MYO9A: variants seen among roughly 807,000 people sequenced by gnomAD.
MYO9A encodes myosin IXA.
MYO9A carries 103 observed loss-of-function variants against 293.3 expected under a neutral mutation model. The observed-to-expected ratio is 0.35, with a 90% CI of 0.30 to 0.41. MYO9A has a LOEUF of 0.41. Among genes scored for constraint, MYO9A ranks in the 10% least tolerant of loss-of-function variants. The pLI, the probability that MYO9A is intolerant of heterozygous loss-of-function variation, is 1.00. For synonymous variants in MYO9A, 1,001 were observed against 1,035.7 expected, an observed-to-expected ratio of 0.97 and a Z score of 0.64; for missense variants, 2,685 against 3,033.0, an observed-to-expected ratio of 0.89 and a Z score of 2.69.
At chr15:71,971,224 A>G (rs567709441) in intron 12 of MYO9A, among the ~76,000 whole-genome samples, 15 of 152,128 alleles carry the variant, frequency 9.9e-5, no homozygotes, top group Non-Finnish European at 4.4e-5. Flanking sequence ...TATGTGAAGT[A>G]GCAACTGGTC....
chr15:71,969,609 G>A (rs569321730), intron 12 of MYO9A, among the ~76,000 whole-genome samples: 1 of 152,188 alleles, frequency 6.6e-6, no homozygotes, highest in Admixed American at 6.5e-5. Flanking sequence ...TCACTTCGTC[G>A]TCTCTAGGTC....
intron 11 of MYO9A, among the ~76,000 whole-genome samples, chr15:71,980,384 T>C (rs1041102971): frequency 1.3e-5 from 2 of 152,204 alleles, no homozygotes; most frequent in Non-Finnish European, 2.9e-5. Flanking sequence ...AATACTCGTA[T>C]TGTCTGTCTT....
chr15:71,840,569 T>C (rs1337014402), intron 39 of MYO9A, among the ~76,000 whole-genome samples: 2 of 152,238 alleles, frequency 1.3e-5, no homozygotes, highest in Non-Finnish European at 2.9e-5. Flanking sequence ...ATTACAAAAT[T>C]TAGCCTTTCT....
intron 40 of MYO9A, among the ~76,000 whole-genome samples, chr15:71,828,302 A>ATGAACTC (rs1485085113): frequency 6.6e-6 from 1 of 152,180 alleles, no homozygotes; most frequent in Non-Finnish European, 1.5e-5. Context: ...TTTCAGTAAA[A>ATGAACTC]TGAACTCTGG....
intron 18 of MYO9A, among the ~76,000 whole-genome samples, chr15:71,932,094 A>G (rs929379678): frequency 6.6e-6 from 1 of 152,212 alleles, no homozygotes; most frequent in African/African-American, 2.4e-5. Context: ...AAAACATTTG[A>G]GAGAGAAGTC....
At chr15:71,978,329 T>C (rs778409802) in intron 11 of MYO9A, 37 bp from the exon 12 acceptor site, 1 of 1,567,768 alleles carries the variant, frequency 6.4e-7, no homozygotes, top group Non-Finnish European at 8.7e-7. Flanking sequence ...AATTTATTCA[T>C]CTTGCAGAAA....
intron 19 of MYO9A, among the ~76,000 whole-genome samples, chr15:71,911,510 G>C (rs2057850229): frequency 6.6e-6 from 1 of 152,184 alleles, no homozygotes; most frequent in African/African-American, 2.4e-5. Flanking sequence ...ATTTTTCCTA[G>C]CAACCTGTGG....
chr15:72,117,040 C>T (rs2081007773), intron 1 of MYO9A: 1 of 152,146 alleles, frequency 6.6e-6, no homozygotes, highest in African/African-American at 2.4e-5. Flanking sequence ...GAAAGGATCG[C>T]GACTAAGGAG....
At chr15:71,916,068 TTATC>T (rs1216129705) in intron 19 of MYO9A, among the ~76,000 whole-genome samples, 1 of 152,150 alleles carries the variant, frequency 6.6e-6, no homozygotes, top group East Asian at 1.9e-4. Context: ...AACAGTGACA[TTATC>T]TAAGCAGCAG....
Position 71,866,120 on chromosome 15 carries a change from G to A in MYO9A, c.5980-3509C>T, listed in dbSNP as rs28705696. On this transcript the variant is annotated intron_variant, in intron 32 of 41. Coordinates refer to ENST00000356056, the MANE Select transcript of MYO9A (RefSeq NM_006901.4). ...TCACGTTGATGGCAGTTTTACCCAT[G>A]TTTGCTTTTGTGTCAACTCAATGAA... Among the ~76,000 whole-genome samples, 859 of 152,170 alleles carry A rather than the reference G, an allele frequency of 5.6e-3. 12 individuals carry two copies. Among genetic ancestry groups the A allele is most frequent in the African/African-American group, 0.02 (813 of 41,524 alleles).
chr15:71,899,203 G>C (rs2057415029), intron 24 of MYO9A, among the ~76,000 whole-genome samples, 171 bp from the exon 25 acceptor site: 2 of 152,098 alleles, frequency 1.3e-5, no homozygotes, highest in African/African-American at 4.8e-5. Flanking sequence ...ATTTCCATGA[G>C]TCAGATGATA....
chr15:71,951,305 G>T (rs1469392166), intron 15 of MYO9A, among the ~76,000 whole-genome samples: 3 of 152,084 alleles, frequency 2.0e-5, no homozygotes, highest in African/African-American at 7.2e-5. Context: ...AAACTTTTTG[G>T]GAATGCTGAA....
intron 11 of MYO9A, among the ~76,000 whole-genome samples, chr15:71,984,166 T>C (rs1443191367): frequency 1.3e-5 from 2 of 152,238 alleles, no homozygotes; most frequent in Non-Finnish European, 2.9e-5. Context: ...AAATAGGTAT[T>C]GTGTTAGATG....
At chr15:72,033,803 A>G (rs748671158) in intron 2 of MYO9A, among the ~76,000 whole-genome samples, 2 of 152,236 alleles carry the variant, frequency 1.3e-5, no homozygotes, top group Non-Finnish European at 2.9e-5. Flanking sequence ...ATATAGCTCA[A>G]TGAAATTTAA....
At chr15:72,072,737 A>T (rs1389496267) in intron 1 of MYO9A, among the ~76,000 whole-genome samples, 1 of 151,976 alleles carries the variant, frequency 6.6e-6, no homozygotes, top group Non-Finnish European at 1.5e-5. Context: ...AACACTGGGG[A>T]CTCCAAGGAG....
intron 1 of MYO9A, among the ~76,000 whole-genome samples, chr15:72,058,547 A>G (rs1255985782): frequency 6.6e-6 from 1 of 152,252 alleles, no homozygotes; most frequent in Non-Finnish European, 1.5e-5. Context: ...ATAGCTGACC[A>G]TAAGAATAAA....
intron 26 of MYO9A, chr15:71,889,882 A>C (rs2057128686): frequency 6.6e-6 from 1 of 152,166 alleles, no homozygotes; most frequent in South Asian, 2.1e-4. Context: ...GACTTTTTTT[A>C]GAGAAATAAA....
chr15:71,947,166 G>A (rs988093927), intron 15 of MYO9A, among the ~76,000 whole-genome samples: 2 of 151,760 alleles, frequency 1.3e-5, no homozygotes, highest in East Asian at 1.9e-4. Flanking sequence ...CCTGTAGTCC[G>A]AGGTGCTTGG....
chr15:72,054,613 G>T (rs2078665061), intron 1 of MYO9A, among the ~76,000 whole-genome samples: 1 of 142,948 alleles, frequency 7.0e-6, no homozygotes, highest in Non-Finnish European at 1.5e-5. Context: ...AGACGTTGAA[G>T]TGAGTAAAGT....
Sources: allele counts gnomAD v4.1 joint callset (sites outside exome capture counted in the v4.1 genomes callset), GRCh38; gene constraint gnomAD v4.1.1; transcripts MANE v1.5; gene names NCBI Gene and HGNC (gene_info 2026-07-23, HGNC 2026-07-21).